FAM161B: variants seen among roughly 807,000 people sequenced by gnomAD.
FAM161B encodes the protein protein FAM161B.
In FAM161B, 46 loss-of-function variants were observed where a neutral mutation model predicts 61.5. The ratio of observed to expected loss-of-function variants is 0.75; its 90% CI spans 0.59 to 0.96. The LOEUF is 0.96. Ranked by LOEUF, FAM161B falls within the 40% of genes least tolerant of loss-of-function variation. The pLI is 0.00. For missense variants in FAM161B, 774 were observed against 800.7 expected, an observed-to-expected ratio of 0.97 and a Z score of 0.40; for synonymous variants, 284 against 302.7, an observed-to-expected ratio of 0.94 and a Z score of 0.64.
In FAM161B at chr14:73,932,816, T is replaced by C. The variant is rs932506048; in HGVS notation, c.*1440A>G. 2.3e-5 allele frequency: 5 copies of C among 215,198 alleles called. No homozygotes were observed. The highest frequency in any genetic ancestry group is 1.8e-3 in the Middle Eastern group (1 of 544). The allele number at this position is 215,198 out of a possible 1,614,324, so 13.3% of individuals were successfully genotyped here. A position where few individuals can be genotyped will look rare whatever the true frequency, so the allele number is the denominator to read the frequency against. The stretch of plus-strand genomic sequence containing the variant: ...CTTTTTGTGGTTTTTTTGGTAGAAA[T>C]GAGGTCTGTGTTGCCCAGGCTGGTC... On this transcript the variant is annotated 3_prime_UTR_variant, in exon 9 of 9. Coordinates refer to ENST00000286544, the MANE Select transcript of FAM161B (RefSeq NM_152445.3).
chr14:73,937,251 T>G (rs1594775445), intron 7 of FAM161B, among the ~76,000 whole-genome samples: 3 of 152,196 alleles, frequency 2.0e-5, no homozygotes, highest in Middle Eastern at 6.8e-3. Context: ...AGAGGAGAGA[T>G]ACCTTTCCAG....
intron 4 of FAM161B, 68 bp from the exon 5 acceptor site, chr14:73,941,121 T>C (rs2056014898): frequency 1.3e-6 from 2 of 1,491,186 alleles, no homozygotes; most frequent in Non-Finnish European, 8.9e-7. Flanking sequence ...TTTTTTTTTT[T>C]TTTTTTTTTG....
At chr14:73,944,908 A>G in intron 2 of FAM161B, 23 bp from the exon 3 acceptor site, 1 of 1,495,674 alleles carries the variant, frequency 6.7e-7, no homozygotes, top group Non-Finnish European at 8.9e-7. Context: ...CAGATCTGTG[A>G]GTGGAGGACA....
At position 73,933,074 on chromosome 14, in the gene FAM161B, G is replaced by A. The variant is rs138024422; in HGVS notation, c.*1182C>T. ...GGCACATTCTAAACAGATAACGGGA[G>A]AGAATTGTTTTAAATTCTTAATTTG... On this transcript the variant is annotated 3_prime_UTR_variant, in exon 9 of 9. Coordinates refer to ENST00000286544, the MANE Select transcript of FAM161B (RefSeq NM_152445.3). 1 of 152,734 alleles carries A rather than the reference G, an allele frequency of 6.5e-6. No individual in the cohort carries two copies. The highest frequency in any genetic ancestry group is 1.9e-4 in the East Asian group (1 of 5,196). 9.5% of individuals were successfully genotyped at this position (152,734 alleles called of 1,614,324 possible). A position where few individuals can be genotyped will look rare whatever the true frequency, so the allele number is the denominator to read the frequency against.
At chr14:73,940,015 A>G (rs763897697) in intron 5 of FAM161B, among the ~76,000 whole-genome samples, 1 of 152,202 alleles carries the variant, frequency 6.6e-6, no homozygotes, top group South Asian at 2.1e-4. Context: ...CTGAAGAAGA[A>G]AGGAGTATCC....
In FAM161B at chr14:73,946,297, C is replaced by T. The variant is rs763200796; in HGVS notation, c.363G>A (p.Pro121=). The T allele has an allele frequency of 1.7e-5, 27 of 1,612,244 alleles. No homozygotes were observed. Among genetic ancestry groups the T allele is most frequent in the African/African-American group, 2.7e-5 (2 of 74,872 alleles). ...CTGCAGTGCCTTACCTCAGAGCCTG[C>T]GGGCACTGGACCTGCACCATCCCCC... ...KDRGMVQVQC[P]QALRCGSTRR... Residue 121 remains proline (P), a synonymous_variant, in exon 2 of 9, where the codon CCG becomes CCA. Coordinates refer to ENST00000286544, the MANE Select transcript of FAM161B (RefSeq NM_152445.3).
intron 8 of FAM161B, among the ~76,000 whole-genome samples, chr14:73,935,548 TAAAA>T (rs11421857): frequency 0.068 from 9,826 of 144,462 alleles, 448 homozygotes; most frequent in African/African-American, 0.13. Flanking sequence ...ATACAAAAAA[TAAAA>T]AAAAAAAGGT....
the FAM161B span, chr14:73,923,418 C>A: frequency 6.2e-7 from 1 of 1,613,732 alleles, no homozygotes. Flanking sequence ...AGGATCCCCA[C>A]GTTCCCTGTC....
At chr14:73,923,370 G>A in the FAM161B span, 1 of 1,606,774 alleles carries the variant, frequency 6.2e-7, no homozygotes, top group East Asian at 2.2e-5. Context: ...ACTTTTCATT[G>A]AAACATTTTT....
In FAM161B at chr14:73,946,540, A is replaced by T. The variant is rs34834232; in HGVS notation, c.120T>A (p.Val40=). Residue 40 remains valine, a synonymous_variant, in exon 2 of 9, where the codon GTT becomes GTA. Transcript: ENST00000286544. ...CGTCAAGTTTGCTGGCCCTGGGCAA[A>T]ACCAGCCCATCCCCGGACAGCTCCT... ...AGEELSGDGL[V]LPRASKLDEF... 0.011 allele frequency: 16,988 copies of T among 1,614,106 alleles called. 335 individuals are homozygous for T. Among genetic ancestry groups the T allele is most frequent in the African/African-American group, 0.079 (5,890 of 75,016 alleles).
chr14:73,948,231 A>C (rs1194986733), intron 1 of FAM161B, among the ~76,000 whole-genome samples: 2 of 152,244 alleles, frequency 1.3e-5, no homozygotes, highest in Non-Finnish European at 2.9e-5. Context: ...GCCCAACGGC[A>C]ATACTTATTC....
the FAM161B span, among the ~76,000 whole-genome samples, chr14:73,925,670 C>T: frequency 6.6e-5 from 10 of 152,218 alleles, no homozygotes; most frequent in African/African-American, 2.2e-4. Flanking sequence ...TCAAGTGATC[C>T]ACCCGCCTCA....
At chr14:73,931,429 T>C (rs1594772827), downstream of FAM161B, 1 of 1,369,418 alleles carries the variant, frequency 7.3e-7, no homozygotes, top group Non-Finnish European at 1.0e-6. Context: ...CCACTCTTAA[T>C]ACTTTTTACT....
At chr14:73,938,222 G>T in intron 5 of FAM161B, 110 bp from the exon 6 acceptor site, 1 of 1,288,804 alleles carries the variant, frequency 7.8e-7, no homozygotes, top group Non-Finnish European at 1.1e-6. Context: ...ACTTTGGGAG[G>T]CCAAGGCAGG....
chr14:73,949,654 C>T (rs1450838159), intron 1 of FAM161B, among the ~76,000 whole-genome samples: 5 of 151,938 alleles, frequency 3.3e-5, no homozygotes. Context: ...CCACCACGCC[C>T]GGCCAAATTT....
At chr14:73,942,159 A>G (rs563685557) in intron 4 of FAM161B, among the ~76,000 whole-genome samples, 1 of 151,562 alleles carries the variant, frequency 6.6e-6, no homozygotes, top group East Asian at 2.0e-4. Flanking sequence ...TGTGGCAAAT[A>G]TTTGTATTTT....
intron 2 of FAM161B, among the ~76,000 whole-genome samples, chr14:73,945,661 C>A (rs915545727): frequency 6.6e-6 from 1 of 152,016 alleles, no homozygotes; most frequent in African/African-American, 2.4e-5. Flanking sequence ...GAACTCCTGA[C>A]CTCATGATCC....
chr14:73,949,842 CT>C, intron 1 of FAM161B, 130 bp downstream of exon 1: 1 of 1,328,420 alleles, frequency 7.5e-7, no homozygotes, highest in Non-Finnish European at 1.0e-6. Context: ...AGTCCGCCTC[CT>C]GGTCCCTAAA....
chr14:73,928,490 G>A (rs1431257326), downstream of FAM161B, among the ~76,000 whole-genome samples: 2 of 152,192 alleles, frequency 1.3e-5, no homozygotes, highest in African/African-American at 2.4e-5. Flanking sequence ...GTTTGAAGTA[G>A]GGTATGACGT....
Sources: allele counts gnomAD v4.1 joint callset (sites outside exome capture counted in the v4.1 genomes callset), GRCh38; gene constraint gnomAD v4.1.1; transcripts MANE v1.5; gene names NCBI Gene and HGNC (gene_info 2026-07-23, HGNC 2026-07-21).